Variants in DCC observed in about 807,000 individuals in gnomAD.
The protein encoded by DCC is netrin receptor DCC.
In DCC, 58 loss-of-function variants were observed where a neutral mutation model predicts 172.5. The ratio of observed to expected loss-of-function variants is 0.34; its 90% CI spans 0.27 to 0.42. DCC has a LOEUF of 0.42. Among genes scored for constraint, DCC ranks in the 10% least tolerant of loss-of-function variants. DCC has a pLI of 1.00. For synonymous variants in DCC, 709 were observed against 644.5 expected (o/e 1.10, Z -1.52); for missense variants, 1,740 against 1,791.0 (o/e 0.97, Z 0.51).
intron 1 of DCC, among the ~76,000 whole-genome samples, chr18:52,703,029 C>G (rs939385148): frequency 4.6e-5 from 7 of 152,194 alleles, no homozygotes; most frequent in African/African-American, 1.7e-4. Context: ...ATAGACACTT[C>G]TCTACATCAT....
intron 2 of DCC, among the ~76,000 whole-genome samples, chr18:52,840,518 AT>A (rs1212721318): frequency 1.2e-4 from 18 of 152,214 alleles, no homozygotes; most frequent in Middle Eastern, 3.4e-3. Flanking sequence ...TCAGCTTGGT[AT>A]TTTTTTCATG....
In DCC at chr18:52,701,597, G is replaced by A. The variant is rs77699060; in HGVS notation, c.92-50457G>A. 3.4e-3 allele frequency among the ~76,000 whole-genome samples: 518 copies of A among 152,318 alleles called. 3 individuals are homozygous for A. Among genetic ancestry groups the A allele is most frequent in the African/African-American group, 0.012 (498 of 41,568 alleles). On this transcript the variant is annotated intron_variant, in intron 1 of 28. Coordinates refer to ENST00000442544, the MANE Select transcript of DCC (RefSeq NM_005215.4). ...CCTCATAAATATTTCTGAGGCTTAT[G>A]TCTTTTTAGACCTATCGATTTGTAT...
chr18:52,591,706 CT>C (rs2033803263), intron 1 of DCC, among the ~76,000 whole-genome samples: 1 of 151,834 alleles, frequency 6.6e-6, no homozygotes, highest in Non-Finnish European at 1.5e-5. Context: ...CCTCAGCCTT[CT>C]GAGTAGCTGG....
At chr18:53,156,809 C>A (rs146041696) in intron 7 of DCC, among the ~76,000 whole-genome samples, 1 of 152,188 alleles carries the variant, frequency 6.6e-6, no homozygotes, top group Non-Finnish European at 1.5e-5. Flanking sequence ...AATATAGATA[C>A]ATGTGTTCAT....
chr18:53,422,251 G>T (rs1452874369), intron 21 of DCC, among the ~76,000 whole-genome samples: 2 of 152,120 alleles, frequency 1.3e-5, no homozygotes, highest in Non-Finnish European at 2.9e-5. Flanking sequence ...AAAACAACTT[G>T]CATAACCTTC....
intron 14 of DCC, among the ~76,000 whole-genome samples, chr18:53,324,756 G>A (rs1014845788): frequency 2.0e-5 from 3 of 151,948 alleles, no homozygotes; most frequent in South Asian, 2.1e-4. Flanking sequence ...TATATAAATA[G>A]TTATTTTTTT....
chr18:53,306,255 C>T (rs2057199222), intron 13 of DCC, among the ~76,000 whole-genome samples: 1 of 152,128 alleles, frequency 6.6e-6, no homozygotes, highest in Non-Finnish European at 1.5e-5. Flanking sequence ...ACCCAGTTTG[C>T]ATGTAAAGAA....
intron 2 of DCC, among the ~76,000 whole-genome samples, chr18:52,904,560 G>A (rs911151577): frequency 1.3e-5 from 2 of 152,168 alleles, no homozygotes; most frequent in Non-Finnish European, 2.9e-5. Context: ...AAAATTAATA[G>A]ACCCAAATTA....
intron 7 of DCC, among the ~76,000 whole-genome samples, chr18:53,119,489 AG>A (rs1397769651): frequency 6.6e-6 from 1 of 151,870 alleles, no homozygotes; most frequent in Non-Finnish European, 1.5e-5. Flanking sequence ...AAATGAGATC[AG>A]GGCCACTCTT....
Position 52,610,173 on chromosome 18 carries a change from AAAAAAATATATATATATATATATATAT to A in DCC, c.92-141879_92-141853del, listed in dbSNP as rs1797960622. ...TCATAAAAAAAAAAAAAAAAAAAAAAAAAAAATATATATATATATATATATATATATATATATATATATATATATATA... is the reference window on the plus strand; with the variant it reads ...TCATAAAAAAAAAAAAAAAAAAAAAAATATATATATATATATATATATATA... On this transcript the variant is annotated intron_variant, in intron 1 of 28. Coordinates refer to ENST00000442544, the MANE Select transcript of DCC (RefSeq NM_005215.4). Among the ~76,000 whole-genome samples, 2 of 22,626 alleles carry A rather than the reference AAAAAAATATATATATATATATATATAT, an allele frequency of 8.8e-5. 1 individual carries two copies. Among genetic ancestry groups the A allele is most frequent in the Admixed American group, 1.5e-3 (2 of 1,298 alleles). 14.8% of individuals were successfully genotyped at this position (22,626 alleles called of 152,430 possible). A position where few individuals can be genotyped will look rare whatever the true frequency, so the allele number is the denominator to read the frequency against.
intron 1 of DCC, among the ~76,000 whole-genome samples, chr18:52,714,190 A>C (rs1292737257): frequency 6.6e-6 from 1 of 152,232 alleles, no homozygotes; most frequent in Admixed American, 6.5e-5. Context: ...ATGCTGAGCC[A>C]GTCTATCTGA....
chr18:52,541,328 T>G (rs1211152476), intron 1 of DCC, among the ~76,000 whole-genome samples: 1 of 152,234 alleles, frequency 6.6e-6, no homozygotes, highest in Non-Finnish European at 1.5e-5. Context: ...TGAAGATAAT[T>G]TTAATTATAT....
chr18:52,934,320 CTG>C (rs942894461), intron 5 of DCC, among the ~76,000 whole-genome samples: 6 of 152,010 alleles, frequency 3.9e-5, no homozygotes, highest in African/African-American at 1.2e-4. Context: ...AGACATCCCT[CTG>C]TGGGAAAAAG....
intron 1 of DCC, among the ~76,000 whole-genome samples, chr18:52,613,409 C>T (rs2034312849): frequency 2.6e-5 from 4 of 152,070 alleles, no homozygotes. Context: ...GCACCCGCCA[C>T]CACGCCCGGC....
chr18:52,950,868 T>G (rs1173260726), intron 5 of DCC, among the ~76,000 whole-genome samples: 1 of 131,032 alleles, frequency 7.6e-6, no homozygotes, highest in African/African-American at 2.9e-5. Context: ...GAGCTTGCAG[T>G]GAGCCGAGAT....
At chr18:53,067,613 C>T (rs1480034951) in intron 7 of DCC, among the ~76,000 whole-genome samples, 1 of 151,952 alleles carries the variant, frequency 6.6e-6, no homozygotes, top group Non-Finnish European at 1.5e-5. Flanking sequence ...GGAGGAGAGA[C>T]AAAAATAAAA....
At position 52,657,136 on chromosome 18, in the gene DCC, G is replaced by C. The variant is rs555152927; in HGVS notation, c.92-94918G>C. ...TGCGGCAAGATTGAGTCTGTGCTGA[G>C]ACAAAAACCAAGCTGTTCTCTAAGC... On this transcript the variant is annotated intron_variant, in intron 1 of 28. Transcript: ENST00000442544. 4.6e-5 allele frequency among the ~76,000 whole-genome samples: 7 copies of C among 152,302 alleles called. 1 individual carries two copies. Among genetic ancestry groups the C allele is most frequent in the African/African-American group, 1.7e-4 (7 of 41,564 alleles).
intron 8 of DCC, among the ~76,000 whole-genome samples, chr18:53,168,121 G>A (rs2054952176): frequency 1.3e-5 from 2 of 152,184 alleles, no homozygotes; most frequent in South Asian, 2.1e-4. Flanking sequence ...TGGTGGGAGT[G>A]TAAATTAGTT....
At chr18:52,826,496 G>T (rs922203333) in intron 2 of DCC, among the ~76,000 whole-genome samples, 1 of 151,784 alleles carries the variant, frequency 6.6e-6, no homozygotes, top group African/African-American at 2.4e-5. Context: ...TTTTTTAATG[G>T]GAATGAGTCT....
Sources: gnomAD v4.1 joint callset for allele counts (sites outside exome capture counted in the v4.1 genomes callset) on GRCh38, gnomAD v4.1.1 for gene constraint, MANE v1.5 for transcripts, NCBI Gene and HGNC (gene_info 2026-07-23, HGNC 2026-07-21) for gene names.